Variants in LRP2BP observed in about 807,000 individuals in gnomAD.
The protein encoded by LRP2BP is LRP2-binding protein.
LRP2BP carries 38 observed loss-of-function variants against 45.2 expected under a neutral mutation model. That is an observed-to-expected ratio of 0.84 (90% CI 0.65 to 1.10). The LOEUF (loss-of-function observed/expected upper bound fraction) is 1.10. LRP2BP is among the 50% of genes least tolerant of loss of function. The pLI, the probability that LRP2BP is intolerant of heterozygous loss-of-function variation, is 0.00. For missense variants in LRP2BP, 385 were observed against 418.9 expected (o/e 0.92, Z 0.71); for synonymous variants, 153 against 153.9 (o/e 0.99, Z 0.04).
chr4:185,392,991 T>C (rs558987543), intron 1 of LRP2BP, among the ~76,000 whole-genome samples: 1 of 152,212 alleles, frequency 6.6e-6, no homozygotes, highest in Non-Finnish European at 1.5e-5. Context: ...TGGAGTGCAG[T>C]GGCACGATCT....
intron 1 of LRP2BP, among the ~76,000 whole-genome samples, chr4:185,392,366 T>C (rs1641677038): frequency 6.6e-6 from 1 of 152,196 alleles, no homozygotes; most frequent in South Asian, 2.1e-4. Context: ...GCCTTTTCTT[T>C]TTGCCACAAT....
At chr4:185,391,475 G>A (rs2095488209) in intron 1 of LRP2BP, among the ~76,000 whole-genome samples, 1 of 152,224 alleles carries the variant, frequency 6.6e-6, no homozygotes. Flanking sequence ...CTTCTGTAAA[G>A]AAGCATTGTC....
At chr4:185,368,852 G>C (rs952884182) in intron 8 of LRP2BP, among the ~76,000 whole-genome samples, 1 of 150,070 alleles carries the variant, frequency 6.7e-6, no homozygotes, top group Non-Finnish European at 1.5e-5. Context: ...GGAGTGCAGC[G>C]GCACAGCCTC....
At chr4:185,396,527 C>G (rs997954445), upstream of LRP2BP, 2 of 223,334 alleles carry the variant, frequency 9.0e-6, no homozygotes, top group African/African-American at 4.6e-5. Flanking sequence ...TCCTCTCACG[C>G]CCACTGACTT....
intron 3 of LRP2BP, among the ~76,000 whole-genome samples, chr4:185,376,692 C>T (rs2095439165): frequency 6.6e-6 from 1 of 152,144 alleles, no homozygotes; most frequent in African/African-American, 2.4e-5. Context: ...AAACGACTCC[C>T]ATAAATGGCT....
chr4:185,396,926 G>A, upstream of LRP2BP: 2 of 1,613,618 alleles, frequency 1.2e-6, no homozygotes, highest in Non-Finnish European at 1.7e-6. Flanking sequence ...GGCGGGAAAT[G>A]CTGTTGCTGG....
At chr4:185,397,197 A>G (rs745995558), upstream of LRP2BP, 2 of 1,613,820 alleles carry the variant, frequency 1.2e-6, no homozygotes, top group South Asian at 2.2e-5. Context: ...CGGTCAACGC[A>G]CCCCCGGATC....
In LRP2BP at chr4:185,395,498, G is replaced by C; in HGVS notation, c.-741C>G. 1.0e-6 allele frequency: 1 copy of C among 985,164 alleles called. No individual in the cohort carries two copies. Among genetic ancestry groups the C allele is most frequent in the Non-Finnish European group, 1.2e-6 (1 of 829,730 alleles). 61.0% of individuals were successfully genotyped at this position (985,164 alleles called of 1,614,324 possible). On this transcript the variant is annotated 5_prime_UTR_variant, in exon 1 of 9. Coordinates refer to ENST00000505916, the MANE Select transcript of LRP2BP (RefSeq NM_001377440.1). ...CAACGTGTGCTCACCTCACAAATCT[G>C]ACAACAGTATCTCTACACTGCCGTT...
chr4:185,370,438 A>G (rs1030774381), intron 8 of LRP2BP, among the ~76,000 whole-genome samples: 1 of 152,166 alleles, frequency 6.6e-6, no homozygotes, highest in African/African-American at 2.4e-5. Context: ...AGGACTTTTA[A>G]TCATTGGAGC....
chr4:185,385,081 G>T (rs1432926031), intron 1 of LRP2BP, among the ~76,000 whole-genome samples: 1 of 152,172 alleles, frequency 6.6e-6, no homozygotes. Context: ...AGCACGGGAT[G>T]AAAGAGTCCA....
chr4:185,375,616 G>A lies in LRP2BP; in HGVS notation c.327C>T (p.Asp109=), dbSNP rs148329514. The A allele has an allele frequency of 6.5e-5, 103 of 1,592,602 alleles. 1 individual carries two copies. The highest frequency in any genetic ancestry group is 3.7e-4 in the African/African-American group (27 of 73,132). The change falls in exon 4 of 9, where the codon GAC becomes GAT. Residue 109 remains aspartate (D), a synonymous_variant. Coordinates refer to ENST00000505916, the MANE Select transcript of LRP2BP (RefSeq NM_001377440.1). ...TGTGACCAAGACATTAACTTACAGC[G>A]TCTAGAGTGGTCCCCAGCCCATCAT... ...MYYDGLGTTL[D]AEKGVDYMKK... is the part of the protein sequence containing the mutation.
At chr4:185,397,212 C>T (rs1180999792), upstream of LRP2BP, 1 of 1,614,106 alleles carries the variant, frequency 6.2e-7, no homozygotes, top group South Asian at 1.1e-5. Context: ...CGGATCCCTG[C>T]AAGCAGTCGC....
chr4:185,396,391 A>G (rs1457234697), upstream of LRP2BP: 1 of 152,782 alleles, frequency 6.5e-6, no homozygotes, highest in Non-Finnish European at 1.5e-5. Context: ...GCGCCGGCAG[A>G]GCCAAAACCT....
At position 185,395,599 on chromosome 4, in the gene LRP2BP, T is replaced by C. The variant is rs2095499911; in HGVS notation, c.-842A>G. ...GGAATATAAGAACGATTCTATATAT[T>C]TGAACACACATTTATATTCAAATAT... is the stretch of plus-strand genomic sequence containing the variant. On this transcript the variant is annotated 5_prime_UTR_variant, in exon 1 of 9. Coordinates refer to ENST00000505916, the MANE Select transcript of LRP2BP (RefSeq NM_001377440.1). 3.1e-6 allele frequency: 3 copies of C among 979,912 alleles called. No individual in the cohort carries two copies. Among genetic ancestry groups the C allele is most frequent in the Non-Finnish European group, 3.6e-6 (3 of 824,890 alleles). 60.7% of individuals were successfully genotyped at this position (979,912 alleles called of 1,614,324 possible).
chr4:185,371,306 A>G (rs182889603), intron 7 of LRP2BP, among the ~76,000 whole-genome samples: 2,453 of 152,128 alleles, frequency 0.016, 55 homozygotes, highest in African/African-American at 0.055. Flanking sequence ...TTGGGAGGCC[A>G]AGGCAGGCGG....
intron 1 of LRP2BP, among the ~76,000 whole-genome samples, chr4:185,385,019 G>A (rs2095466759): frequency 6.6e-6 from 1 of 151,918 alleles, no homozygotes; most frequent in South Asian, 2.1e-4. Flanking sequence ...CTGAAGAGAG[G>A]AAAAGTGTGG....
At chr4:185,372,436 G>A (rs896471798) in intron 7 of LRP2BP, among the ~76,000 whole-genome samples, 9 of 152,190 alleles carry the variant, frequency 5.9e-5, no homozygotes, top group Non-Finnish European at 5.9e-5. Context: ...CATTTCAAGT[G>A]CTCAATAGCT....
In LRP2BP at chr4:185,365,004, G is replaced by T. The variant is rs2095381172; in HGVS notation, c.*2176C>A. 1 of 135,150 alleles carries T rather than the reference G, an allele frequency of 7.4e-6. No homozygotes were observed. Among genetic ancestry groups the T allele is most frequent in the African/African-American group, 3.2e-5 (1 of 30,812 alleles). The allele number at this position is 135,150 out of a possible 1,614,324, so 8.4% of individuals were successfully genotyped here. A position where few individuals can be genotyped will look rare whatever the true frequency, so the allele number is the denominator to read the frequency against. On this transcript the variant is annotated 3_prime_UTR_variant, in exon 9 of 9. Coordinates refer to ENST00000505916, the MANE Select transcript of LRP2BP (RefSeq NM_001377440.1). The stretch of plus-strand genomic sequence containing the variant: ...AGCTACAAGGAATCTTAGAGAAGGA[G>T]TGTGTGTGTGTGTATGTGTGTGTGT...
At chr4:185,387,726 G>A (rs2095475760) in intron 1 of LRP2BP, among the ~76,000 whole-genome samples, 1 of 152,214 alleles carries the variant, frequency 6.6e-6, no homozygotes, top group Admixed American at 6.5e-5. Context: ...CTTGCCTACA[G>A]CAGCTCCATA....
Sources: allele counts gnomAD v4.1 joint callset (sites outside exome capture counted in the v4.1 genomes callset), GRCh38; gene constraint gnomAD v4.1.1; transcripts MANE v1.5; gene names NCBI Gene and HGNC (gene_info 2026-07-23, HGNC 2026-07-21).